Variants in CNTNAP2 observed in about 807,000 individuals in gnomAD.
The protein encoded by CNTNAP2 is contactin associated protein 2.
A neutral mutation model predicts 155.2 loss-of-function variants in CNTNAP2; 98 were observed. That is an observed-to-expected ratio of 0.63 (90% CI 0.54 to 0.75). CNTNAP2 has a LOEUF of 0.75. Ranked by LOEUF, CNTNAP2 falls within the 30% of genes least tolerant of loss-of-function variation. The pLI is 0.00. For synonymous variants in CNTNAP2, 651 were observed against 631.2 expected (o/e 1.03, Z -0.47); for missense variants, 1,727 against 1,688.1 (o/e 1.02, Z -0.40).
chr7:147,212,391 G>C (rs1803168690), intron 8 of CNTNAP2, among the ~76,000 whole-genome samples: 1 of 152,152 alleles, frequency 6.6e-6, no homozygotes. Flanking sequence ...TGTACACCAT[G>C]TAATACTGTG....
intron 8 of CNTNAP2, among the ~76,000 whole-genome samples, chr7:147,250,879 G>C (rs1275993521): frequency 6.6e-6 from 1 of 152,122 alleles, no homozygotes; most frequent in African/African-American, 2.4e-5. Context: ...TTCCAGTGCA[G>C]GCTAAAGTTT....
chr7:146,578,563 C>CA (rs1322148433), intron 1 of CNTNAP2, among the ~76,000 whole-genome samples: 3 of 152,094 alleles, frequency 2.0e-5, no homozygotes, highest in African/African-American at 7.2e-5. Flanking sequence ...ACAGTACATT[C>CA]AGAGTACTTA....
At chr7:146,497,509 G>C (rs559962920) in intron 1 of CNTNAP2, among the ~76,000 whole-genome samples, 1 of 151,908 alleles carries the variant, frequency 6.6e-6, no homozygotes, top group East Asian at 1.9e-4. Flanking sequence ...CCAACTTCAG[G>C]CTTCTTAGTT....
At chr7:147,759,708 G>T (rs568109214) in intron 13 of CNTNAP2, among the ~76,000 whole-genome samples, 1 of 152,298 alleles carries the variant, frequency 6.6e-6, no homozygotes, top group African/African-American at 2.4e-5. Flanking sequence ...CAGATTTAAT[G>T]TTTGAGGTTT....
intron 17 of CNTNAP2, among the ~76,000 whole-genome samples, chr7:148,159,337 A>G (rs1399092729): frequency 6.6e-6 from 1 of 151,990 alleles, no homozygotes; most frequent in Non-Finnish European, 1.5e-5. Context: ...CCCTCTATAT[A>G]TTTGTTCAAA....
chr7:146,914,028 C>A (rs1796343066), intron 3 of CNTNAP2, among the ~76,000 whole-genome samples: 1 of 152,092 alleles, frequency 6.6e-6, no homozygotes, highest in South Asian at 2.1e-4. Flanking sequence ...TCCTGAGTTA[C>A]TTCACTTAGA....
chr7:147,233,888 T>G (rs906081116), intron 8 of CNTNAP2, among the ~76,000 whole-genome samples: 2 of 152,080 alleles, frequency 1.3e-5, no homozygotes, highest in Non-Finnish European at 2.9e-5. Flanking sequence ...TGACAGTAAT[T>G]ATTTGCTATA....
At chr7:146,906,818 C>T (rs1177630966) in intron 3 of CNTNAP2, among the ~76,000 whole-genome samples, 1 of 150,880 alleles carries the variant, frequency 6.6e-6, no homozygotes, top group Non-Finnish European at 1.5e-5. Flanking sequence ...CTTTGACGAG[C>T]TGAGAGAAGA....
chr7:146,870,076 A>G (rs1338764078), intron 3 of CNTNAP2, among the ~76,000 whole-genome samples: 5 of 152,110 alleles, frequency 3.3e-5, no homozygotes, highest in African/African-American at 9.7e-5. Flanking sequence ...AGGTTTTGGT[A>G]TCAAGATGCT....
chr7:147,261,554 T>TA (rs1229999759), intron 8 of CNTNAP2, among the ~76,000 whole-genome samples: 3,020 of 145,364 alleles, frequency 0.021, 79 homozygotes, highest in African/African-American at 0.06. Flanking sequence ...AAGGGATACT[T>TA]TAAAAAAAAA....
intron 10 of CNTNAP2, among the ~76,000 whole-genome samples, chr7:147,402,112 G>A (rs1563190822): frequency 6.6e-6 from 1 of 152,136 alleles, no homozygotes; most frequent in Non-Finnish European, 1.5e-5. Flanking sequence ...ATACATTTTG[G>A]TACTGTAATC....
At position 146,512,013 on chromosome 7, in the gene CNTNAP2, C is replaced by A. The variant is rs1194389408; in HGVS notation, c.98-262258C>A. On this transcript the variant is annotated intron_variant, in intron 1 of 23. Transcript: ENST00000361727. ...TTTCAATCTTGGTAAGTTGTATGTA[C>A]CTATGAATTTTTTCTTTGAATTTTT... Among the ~76,000 whole-genome samples the A allele has an allele frequency of 7.9e-5, 12 of 151,720 alleles. No individual in the cohort carries two copies. In the East Asian group the frequency reaches 2.3e-3, roughly 29 times the overall value.
At chr7:146,369,330 A>C (rs2129102443) in intron 1 of CNTNAP2, among the ~76,000 whole-genome samples, 1 of 152,128 alleles carries the variant, frequency 6.6e-6, no homozygotes, top group African/African-American at 2.4e-5. Flanking sequence ...TTTGATGGAC[A>C]TTTAGGAATG....
intron 1 of CNTNAP2, among the ~76,000 whole-genome samples, chr7:146,344,941 T>G (rs995726106): frequency 6.6e-6 from 1 of 152,172 alleles, no homozygotes; most frequent in African/African-American, 2.4e-5. Flanking sequence ...TTAACTAAGT[T>G]GAGAAAGAGC....
intron 9 of CNTNAP2, among the ~76,000 whole-genome samples, chr7:147,375,837 T>C (rs187173107): frequency 1.2e-4 from 19 of 152,192 alleles, no homozygotes; most frequent in Non-Finnish European, 2.5e-4. Flanking sequence ...AGTTCACTCT[T>C]ACTTTGGTGA....
chr7:146,437,343 G>T (rs887017167), intron 1 of CNTNAP2, among the ~76,000 whole-genome samples: 7 of 151,366 alleles, frequency 4.6e-5, no homozygotes, highest in African/African-American at 1.7e-4. Flanking sequence ...CTATTTCAAA[G>T]ATATAAGCAT....
At chr7:146,808,505 T>C (rs1803008130) in intron 2 of CNTNAP2, among the ~76,000 whole-genome samples, 1 of 152,204 alleles carries the variant, frequency 6.6e-6, no homozygotes, top group Non-Finnish European at 1.5e-5. Context: ...TCTGAAGGAA[T>C]CACATTTTTA....
At chr7:147,932,742 C>G (rs957788120) in intron 14 of CNTNAP2, among the ~76,000 whole-genome samples, 1 of 152,226 alleles carries the variant, frequency 6.6e-6, no homozygotes, top group African/African-American at 2.4e-5. Flanking sequence ...AACTTCTGTA[C>G]AGCAAAGGAA....
chr7:147,313,750 T>C (rs1795169947), intron 9 of CNTNAP2, among the ~76,000 whole-genome samples: 1 of 152,152 alleles, frequency 6.6e-6, no homozygotes, highest in African/African-American at 2.4e-5. Context: ...ATGCGGGCTC[T>C]TTTTTGGTTC....
Sources: allele counts gnomAD v4.1 joint callset (sites outside exome capture counted in the v4.1 genomes callset), GRCh38; gene constraint gnomAD v4.1.1; transcripts MANE v1.5; gene names NCBI Gene and HGNC (gene_info 2026-07-23, HGNC 2026-07-21).